The following CIB3 variants were observed in gnomAD, a reference collection of about 807,000 sequenced individuals.
The protein encoded by CIB3 is calcium and integrin binding family member 3.
CIB3 carries 22 observed loss-of-function variants against 23.4 expected under a neutral mutation model. That is an observed-to-expected ratio of 0.94 (90% CI 0.67 to 1.34). The LOEUF (loss-of-function observed/expected upper bound fraction) is 1.34. Ranked by LOEUF, CIB3 falls within the 40% of genes most tolerant of loss-of-function variation. CIB3 has a pLI of 0.00. For synonymous variants in CIB3, 93 were observed against 95.8 expected, an observed-to-expected ratio of 0.97 and a Z score of 0.17; for missense variants, 258 against 247.3, an observed-to-expected ratio of 1.04 and a Z score of -0.29.
intron 1 of CIB3, 85 bp downstream of exon 1, chr19:16,173,340 C>T (rs2091338587): frequency 1.3e-6 from 2 of 1,549,860 alleles, no homozygotes; most frequent in Non-Finnish European, 1.8e-6. Flanking sequence ...ACGGTACACC[C>T]AGATGAAGGC....
intron 4 of CIB3, 67 bp from the exon 5 acceptor site, chr19:16,164,980 AC>A: frequency 3.7e-5 from 49 of 1,330,722 alleles, no homozygotes; most frequent in Non-Finnish European, 5.0e-5. Context: ...GTGGGCACAT[AC>A]TGTGCCCATG....
intron 3 of CIB3, 56 bp from the exon 4 acceptor site, chr19:16,168,340 T>C: frequency 6.3e-7 from 1 of 1,597,116 alleles, no homozygotes; most frequent in South Asian, 1.1e-5. Context: ...GTCTCTGGGG[T>C]CCATGTGGTC....
intron 2 of CIB3, among the ~76,000 whole-genome samples, chr19:16,172,043 TG>T (rs2091330417): frequency 6.6e-6 from 1 of 152,238 alleles, no homozygotes; most frequent in Non-Finnish European, 1.5e-5. Context: ...GCAGCAGCCT[TG>T]GGCCACCTCC....
chr19:16,162,272 T>C (rs73005221), intron 5 of CIB3, among the ~76,000 whole-genome samples: 79,829 of 144,440 alleles, frequency 0.55, 24,583 homozygotes, highest in Non-Finnish European at 0.69. Context: ...AAAAAGTTTT[T>C]AGTTAGCTAG....
chr19:16,170,843 AAAAG>A (rs1320761538), intron 2 of CIB3, among the ~76,000 whole-genome samples: 1 of 150,076 alleles, frequency 6.7e-6, no homozygotes, highest in Non-Finnish European at 1.5e-5. Flanking sequence ...AAGAAAAGAA[AAAAG>A]AAAGAAAGAG....
chr19:16,171,778 G>A (rs958709316), intron 2 of CIB3, among the ~76,000 whole-genome samples: 2 of 152,194 alleles, frequency 1.3e-5, no homozygotes, highest in East Asian at 3.8e-4. Context: ...GATCGTGATG[G>A]CCGAGGTGAC....
At chr19:16,172,428 T>C (rs1047319242) in intron 2 of CIB3, among the ~76,000 whole-genome samples, 4 of 152,018 alleles carry the variant, frequency 2.6e-5, no homozygotes, top group Non-Finnish European at 4.4e-5. Flanking sequence ...GTGCTGGGAT[T>C]ACAGGCATGA....
chr19:16,166,643 C>T lies in CIB3; in HGVS notation c.346+1494G>A, dbSNP rs184933112. ...TGTTGGGCACCATAACTCTTTTATT[C>T]ACTCACTCAACAAGTATTAGTGTCT... On this transcript the variant is annotated intron_variant, in intron 4 of 5. Coordinates refer to ENST00000269878, the MANE Select transcript of CIB3 (RefSeq NM_054113.4). 2.1e-3 allele frequency among the ~76,000 whole-genome samples: 313 copies of T among 152,306 alleles called. 1 individual carries two copies. Among genetic ancestry groups the T allele is most frequent in the African/African-American group, 7.3e-3 (304 of 41,572 alleles).
chr19:16,164,185 GT>G (rs1484561896), intron 5 of CIB3, among the ~76,000 whole-genome samples: 1 of 152,098 alleles, frequency 6.6e-6, no homozygotes, highest in African/African-American at 2.4e-5. Context: ...ATGTTCCCCA[GT>G]TTGGTCTCAA....
intron 2 of CIB3, among the ~76,000 whole-genome samples, chr19:16,170,043 C>A (rs1176642438): frequency 6.6e-6 from 1 of 152,196 alleles, no homozygotes; most frequent in Non-Finnish European, 1.5e-5. Flanking sequence ...AGATGATCCA[C>A]CTGACTTAGC....
At chr19:16,168,646 T>C (rs1432655945) in intron 3 of CIB3, among the ~76,000 whole-genome samples, 1 of 152,180 alleles carries the variant, frequency 6.6e-6, no homozygotes, top group African/African-American at 2.4e-5. Flanking sequence ...GGGACCTGAT[T>C]ACTGCTGCTT....
At chr19:16,169,849 G>C in intron 2 of CIB3, 108 bp from the exon 3 acceptor site, 1 of 890,194 alleles carries the variant, frequency 1.1e-6, no homozygotes, top group East Asian at 3.0e-5. Context: ...ACCCAGGCTG[G>C]AGTGCAGTGG....
At chr19:16,165,656 T>C (rs2091303189) in intron 4 of CIB3, among the ~76,000 whole-genome samples, 1 of 152,118 alleles carries the variant, frequency 6.6e-6, no homozygotes, top group Admixed American at 6.6e-5. Flanking sequence ...TTGGCCAGGC[T>C]GGTCTCAAAT....
intron 5 of CIB3, 79 bp from the exon 6 acceptor site, chr19:16,161,565 G>T (rs1418511989): frequency 1.3e-6 from 2 of 1,503,876 alleles, no homozygotes; most frequent in South Asian, 2.3e-5. Context: ...ACACGCTCAC[G>T]GCAAGTCCCT....
At chr19:16,161,673 C>CT (rs55969649) in intron 5 of CIB3, among the ~76,000 whole-genome samples, 187 bp from the exon 6 acceptor site, 65,100 of 100,198 alleles carry the variant, frequency 0.65, 23,266 homozygotes, top group East Asian at 0.89. Flanking sequence ...TTTTTTAATT[C>CT]TTTTTTTTTT....
chr19:16,169,284 C>T (rs1350249975), intron 3 of CIB3, among the ~76,000 whole-genome samples: 9 of 152,112 alleles, frequency 5.9e-5, no homozygotes, highest in Admixed American at 3.3e-4. Flanking sequence ...GCTGGGATTA[C>T]AGGTGTGCAC....
intron 2 of CIB3, among the ~76,000 whole-genome samples, chr19:16,171,694 G>T (rs1042373704): frequency 2.0e-5 from 3 of 152,116 alleles, no homozygotes; most frequent in Non-Finnish European, 4.4e-5. Flanking sequence ...GGGGCCTTGG[G>T]GCTCTGTGCA....
At chr19:16,172,221 C>A (rs12609665) in intron 2 of CIB3, among the ~76,000 whole-genome samples, 2 of 152,210 alleles carry the variant, frequency 1.3e-5, no homozygotes, top group Non-Finnish European at 2.9e-5. Flanking sequence ...GTGGCGTGAT[C>A]TCGGCTCACT....
At chr19:16,173,236 TG>T (rs1343323487) in intron 1 of CIB3, 40 bp from the exon 2 acceptor site, 2 of 1,613,802 alleles carry the variant, frequency 1.2e-6, no homozygotes, top group Non-Finnish European at 1.7e-6. Context: ...ACCCTGCCTC[TG>T]GGGCCTCCTC....
Sources: gnomAD v4.1 joint callset for allele counts (sites outside exome capture counted in the v4.1 genomes callset) on GRCh38, gnomAD v4.1.1 for gene constraint, MANE v1.5 for transcripts, NCBI Gene and HGNC (gene_info 2026-07-23, HGNC 2026-07-21) for gene names.